Variants in TNIP3 observed in about 807,000 individuals in gnomAD.
TNIP3 encodes TNFAIP3 interacting protein 3.
Under a neutral mutation model 54.1 loss-of-function variants are expected in TNIP3, and 34 were observed. The ratio of observed to expected loss-of-function variants is 0.63; its 90% CI spans 0.48 to 0.84. The LOEUF (loss-of-function observed/expected upper bound fraction) is 0.84. Among genes scored for constraint, TNIP3 ranks in the 40% least tolerant of loss-of-function variants. TNIP3 has a pLI of 0.00. For synonymous variants in TNIP3, 134 were observed against 136.8 expected (o/e 0.98, Z 0.14); for missense variants, 366 against 387.6 (o/e 0.94, Z 0.47).
chr4:121,162,799 A>G (rs1240932629), intron 1 of TNIP3, among the ~76,000 whole-genome samples: 1 of 152,198 alleles, frequency 6.6e-6, no homozygotes, highest in Non-Finnish European at 1.5e-5. Context: ...TTTCCTAGGT[A>G]ATTTTGATTC....
chr4:121,137,600 C>T (rs573769763), intron 10 of TNIP3: 1 of 187,784 alleles, frequency 5.3e-6, no homozygotes, highest in Non-Finnish European at 1.1e-5. Context: ...GCTCCATTCA[C>T]ATAGAGTACC....
chr4:121,143,079 A>G (rs140600022), intron 7 of TNIP3, among the ~76,000 whole-genome samples: 13 of 152,366 alleles, frequency 8.5e-5, no homozygotes, highest in East Asian at 3.9e-4. Flanking sequence ...GGAATTGTCA[A>G]CCTGACATTC....
At chr4:121,213,054 G>C (rs1377349361) in intron 2 of TNIP3, among the ~76,000 whole-genome samples, 1 of 152,156 alleles carries the variant, frequency 6.6e-6, no homozygotes, top group Non-Finnish European at 1.5e-5. Flanking sequence ...ATCTGGAAGA[G>C]AGTATGCTAC....
rs1449735525 is a variant in TNIP3 at position 121,173,882 on chromosome 4, C to T, written c.189+8794G>A. On this transcript the variant is annotated intron_variant, in intron 3 of 12. Transcript: ENST00000507879. ...CTGACCACAAGTGATCCACCTGCCT[C>T]GGCCTCCCAAAGTGCTGGGATTACA... is the stretch of plus-strand genomic sequence containing the variant. 5.3e-5 allele frequency among the ~76,000 whole-genome samples: 8 copies of T among 152,200 alleles called. 1 individual carries two copies. The highest frequency in any genetic ancestry group is 4.1e-4 in the South Asian group (2 of 4,830).
At chr4:121,216,607 A>C in exon 1 of TNIP3, 3 of 1,488,336 alleles carry the variant, frequency 2.0e-6, no homozygotes, top group Non-Finnish European at 2.7e-6. Context: ...ATTTTTCATC[A>C]AAAGCCATGT....
intron 3 of TNIP3, among the ~76,000 whole-genome samples, chr4:121,169,451 CA>C (rs1253032016): frequency 6.6e-6 from 1 of 152,114 alleles, no homozygotes; most frequent in Admixed American, 6.6e-5. Flanking sequence ...TTTATTTTTC[CA>C]TAACACTAAA....
upstream of TNIP3, among the ~76,000 whole-genome samples, chr4:121,220,073 G>GA (rs1726967356): frequency 6.6e-6 from 1 of 152,184 alleles, no homozygotes; most frequent in South Asian, 2.1e-4. Flanking sequence ...GTAATAGGCT[G>GA]AAAACCATAC....
At chr4:121,221,859 T>A (rs1020086127) in intron 1 of TNIP3, among the ~76,000 whole-genome samples, 3 of 152,162 alleles carry the variant, frequency 2.0e-5, no homozygotes, top group Non-Finnish European at 2.9e-5. Flanking sequence ...AGCAGTAAAG[T>A]TTTTTGCCAC....
intron 10 of TNIP3, among the ~76,000 whole-genome samples, chr4:121,134,837 G>A (rs1010639726): frequency 3.2e-4 from 48 of 152,296 alleles, no homozygotes; most frequent in African/African-American, 1.2e-3. Context: ...CACAGTGTGA[G>A]CGACGTTTCC....
At chr4:121,190,067 T>G (rs1353538563) in intron 2 of TNIP3, among the ~76,000 whole-genome samples, 3 of 152,154 alleles carry the variant, frequency 2.0e-5, no homozygotes, top group Non-Finnish European at 4.4e-5. Flanking sequence ...AACCACATCC[T>G]CCTACAGGCA....
Position 121,160,988 on chromosome 4 carries a change from C to T in TNIP3, c.147+148G>A, listed in dbSNP as rs150173780. 1.4e-3 allele frequency: 912 copies of T among 653,210 alleles called. 8 individuals carry two copies. Among genetic ancestry groups the T allele is most frequent in the African/African-American group, 0.014 (737 of 53,568 alleles). The allele number at this position is 653,210 out of a possible 1,614,324, so 40.5% of individuals were successfully genotyped here. On this transcript the variant is annotated intron_variant, in intron 2 of 10. Coordinates refer to ENST00000057513, the MANE Select transcript of TNIP3 (RefSeq NM_024873.6). Reference sequence around the variant, plus strand: ...ACATACAGGTGAATAAGAAAGAAGGCGTTTGCTTTCAAAATAGTGCAGTCC... The same window carrying T: ...ACATACAGGTGAATAAGAAAGAAGGTGTTTGCTTTCAAAATAGTGCAGTCC...
chr4:121,221,074 A>G (rs1727006920), upstream of TNIP3, among the ~76,000 whole-genome samples: 1 of 152,210 alleles, frequency 6.6e-6, no homozygotes, highest in African/African-American at 2.4e-5. Flanking sequence ...AGCAATTCTC[A>G]TGGCCTTTTG....
intron 3 of TNIP3, among the ~76,000 whole-genome samples, chr4:121,174,083 C>T (rs1369733449): frequency 6.6e-6 from 1 of 152,166 alleles, no homozygotes; most frequent in Non-Finnish European, 1.5e-5. Flanking sequence ...GGGGACCACT[C>T]CATTGATGAT....
rs577309363 is a variant in TNIP3 at position 121,214,132 on chromosome 4, T to A, written c.68+2283A>T. 1.6e-4 allele frequency among the ~76,000 whole-genome samples: 25 copies of A among 152,280 alleles called. No homozygotes were observed. In the Middle Eastern group the frequency reaches 0.01, roughly 62 times the overall value. On this transcript the variant is annotated intron_variant, in intron 2 of 12. Transcript: ENST00000507879. The stretch of plus-strand genomic sequence containing the variant: ...GATGACTCAGGTGCTCACTATTCTC[T>A]TCCTGTCCTGTTGGCTCTCGCCTCT...
At chr4:121,176,189 A>G (rs1724315695) in intron 3 of TNIP3, among the ~76,000 whole-genome samples, 1 of 152,226 alleles carries the variant, frequency 6.6e-6, no homozygotes, top group Non-Finnish European at 1.5e-5. Flanking sequence ...AGAAAGATGC[A>G]TGGCTCATTT....
intron 4 of TNIP3, among the ~76,000 whole-genome samples, chr4:121,155,209 C>T (rs531055533): frequency 3.3e-5 from 5 of 152,134 alleles, no homozygotes; most frequent in African/African-American, 9.6e-5. Flanking sequence ...GTGATCTGCC[C>T]GTCTCAGCCT....
At chr4:121,181,767 T>C (rs747600424) in intron 3 of TNIP3, among the ~76,000 whole-genome samples, 1 of 152,070 alleles carries the variant, frequency 6.6e-6, no homozygotes, top group Non-Finnish European at 1.5e-5. Flanking sequence ...TATACAATTC[T>C]GGGATTTCCT....
At chr4:121,216,344 C>T in intron 2 of TNIP3, 1 of 1,310,782 alleles carries the variant, frequency 7.6e-7, no homozygotes, top group East Asian at 2.5e-5. Flanking sequence ...CTATCATTGC[C>T]ACAAAGCAGA....
chr4:121,141,425 T>G (rs566046214), intron 9 of TNIP3, among the ~76,000 whole-genome samples: 1 of 152,220 alleles, frequency 6.6e-6, no homozygotes, highest in Admixed American at 6.5e-5. Flanking sequence ...GCAATATCCA[T>G]AGTAGTTCAA....
Sources: gnomAD v4.1 joint callset for allele counts (sites outside exome capture counted in the v4.1 genomes callset) on GRCh38, gnomAD v4.1.1 for gene constraint, MANE v1.5 for transcripts, NCBI Gene and HGNC (gene_info 2026-07-23, HGNC 2026-07-21) for gene names.